STUM: variants seen among roughly 807,000 people sequenced by gnomAD.
STUM encodes protein stum homolog.
In STUM, 8 loss-of-function variants were observed where a neutral mutation model predicts 15.3. That is an observed-to-expected ratio of 0.52 (90% CI 0.31 to 0.94). The LOEUF (loss-of-function observed/expected upper bound fraction) is 0.94, where lower values mean the gene tolerates loss of function less well. STUM is among the 40% of genes least tolerant of loss of function. The pLI is 0.05. For missense variants in STUM, 142 were observed against 204.9 expected (o/e 0.69, Z 1.87); for synonymous variants, 78 against 88.7 (o/e 0.88, Z 0.68).
chr1:226,562,352 T>G (rs1015065978), intron 1 of STUM, among the ~76,000 whole-genome samples: 3 of 151,508 alleles, frequency 2.0e-5, no homozygotes, highest in African/African-American at 4.9e-5. Flanking sequence ...GCCTGTAGTC[T>G]CAGTTACTCG....
In STUM at chr1:226,548,939, C is replaced by CGGCGGCGGCGGCGGT; in HGVS notation, c.47_61dup (p.Ala16_Ala20dup). On this transcript the variant is annotated inframe_insertion, in exon 1 of 4. Transcript: ENST00000366788. ...TCGCACAAAGACGCCGAGACGGCGGCGGCGGCGGCGGCGGTGGCGGCGGCG... is the reference window on the plus strand; with the variant it reads ...TCGCACAAAGACGCCGAGACGGCGGCGGCGGCGGCGGCGGTGGCGGCGGCGGCGGTGGCGGCGGCG... 1 of 1,449,540 alleles carries CGGCGGCGGCGGCGGT rather than the reference C, an allele frequency of 6.9e-7. No homozygotes were observed. The highest frequency in any genetic ancestry group is 9.0e-7 in the Non-Finnish European group (1 of 1,106,600). 89.8% of individuals were successfully genotyped at this position (1,449,540 alleles called of 1,614,324 possible). A position where few individuals can be genotyped will look rare whatever the true frequency, so the allele number is the denominator to read the frequency against.
chr1:226,583,254 A>G (rs574885469), intron 1 of STUM, among the ~76,000 whole-genome samples: 2 of 152,324 alleles, frequency 1.3e-5, no homozygotes, highest in South Asian at 4.1e-4. Flanking sequence ...TGCAAAGGCT[A>G]TGGATACAGG....
chr1:226,600,457 GGCT>G lies in STUM; in HGVS notation c.383-207_383-205del, dbSNP rs1668246572. The G allele has an allele frequency of 1.6e-6, 1 of 610,588 alleles. No individual in the cohort carries two copies. The highest frequency in any genetic ancestry group is 2.8e-5 in the East Asian group (1 of 35,346). 37.8% of individuals were successfully genotyped at this position (610,588 alleles called of 1,614,324 possible). ...TGGTGGGCAGACCACTGGCCACTGT[GGCT>G]GTCACCATGAGTACTGAGCACTCCC... On this transcript the variant is annotated intron_variant, in intron 2 of 3. Coordinates refer to ENST00000366788, the MANE Select transcript of STUM (RefSeq NM_001003665.4). The surrounding 1 kb of genome is among the most constrained non-coding windows in gnomAD (Gnocchi z 5.2).
intron 1 of STUM, among the ~76,000 whole-genome samples, chr1:226,562,617 G>C (rs1001896015): frequency 2.6e-5 from 4 of 152,210 alleles, no homozygotes; most frequent in East Asian, 1.9e-4. Flanking sequence ...TTCTAGCCAG[G>C]GGTTCATAAA....
intron 1 of STUM, among the ~76,000 whole-genome samples, chr1:226,559,267 G>A (rs1667498774): frequency 6.6e-6 from 1 of 152,142 alleles, no homozygotes; most frequent in Admixed American, 6.5e-5. Context: ...AGAAGAGCCT[G>A]CCTTGAAACC....
At chr1:226,593,655 C>A (rs1305352144) in intron 1 of STUM, among the ~76,000 whole-genome samples, 1 of 152,170 alleles carries the variant, frequency 6.6e-6, no homozygotes, top group Non-Finnish European at 1.5e-5. Context: ...CACTCTGTGC[C>A]CCTAGCTGGC....
rs547398632 is a variant in STUM at position 226,600,246 on chromosome 1, A to G, written c.383-420A>G. On this transcript the variant is annotated intron_variant, in intron 2 of 3. Coordinates refer to ENST00000366788, the MANE Select transcript of STUM (RefSeq NM_001003665.4). The surrounding 1 kb of genome is among the most constrained non-coding windows in gnomAD (Gnocchi z 5.2). ...ACCAGGAGTTTGAGGCTGCAGTGAG[A>G]CATGATCACACCACTATACTCTAGC... Among the ~76,000 whole-genome samples, 1 of 152,306 alleles carries G rather than the reference A, an allele frequency of 6.6e-6. No individual in the cohort carries two copies. The highest frequency in any genetic ancestry group is 2.1e-4 in the South Asian group (1 of 4,828).
intron 2 of STUM, among the ~76,000 whole-genome samples, chr1:226,598,859 T>C (rs1027204368): frequency 5.3e-5 from 8 of 152,274 alleles, no homozygotes; most frequent in African/African-American, 1.9e-4. Context: ...TTGGGGGGTG[T>C]ATTAGTTCAT....
chr1:226,579,743 C>T (rs1172708157), intron 1 of STUM, among the ~76,000 whole-genome samples: 4 of 151,910 alleles, frequency 2.6e-5, no homozygotes, highest in Non-Finnish European at 5.9e-5. Flanking sequence ...ATCCTCCCAC[C>T]CATCCTCCCT....
rs1667633948 is a variant in STUM, at chr1:226,566,828, A to G, written c.202+17722A>G. Among the ~76,000 whole-genome samples the G allele has an allele frequency of 1.3e-5, 2 of 152,180 alleles. 1 individual carries two copies. The highest frequency in any genetic ancestry group is 1.3e-4 in the Admixed American group (2 of 15,268). The stretch of plus-strand genomic sequence containing the variant: ...TAGATTTTTATAAGTGGGTTTTGTT[A>G]ATTTGCTATTTTAAAAATACTTGTG... On this transcript the variant is annotated intron_variant, in intron 1 of 3. Coordinates refer to ENST00000366788, the MANE Select transcript of STUM (RefSeq NM_001003665.4).
intron 1 of STUM, among the ~76,000 whole-genome samples, chr1:226,553,603 C>G (rs1326927492): frequency 1.3e-5 from 2 of 152,142 alleles, no homozygotes; most frequent in African/African-American, 4.8e-5. Flanking sequence ...TCTGGAAAAA[C>G]AAAACATTTC....
At chr1:226,568,970 C>T (rs866618593) in intron 1 of STUM, among the ~76,000 whole-genome samples, 2 of 152,114 alleles carry the variant, frequency 1.3e-5, no homozygotes, top group Non-Finnish European at 2.9e-5. Flanking sequence ...GGGGACCTTG[C>T]TGTGCCCACA....
At chr1:226,566,911 T>A (rs556085918) in intron 1 of STUM, among the ~76,000 whole-genome samples, 2 of 152,282 alleles carry the variant, frequency 1.3e-5, no homozygotes, top group East Asian at 3.9e-4. Flanking sequence ...TTGTGGGGAT[T>A]TTTGCACATT....
rs562057424 is a variant in STUM at position 226,565,674 on chromosome 1, C to T, written c.202+16568C>T. 1.9e-4 allele frequency among the ~76,000 whole-genome samples: 29 copies of T among 152,260 alleles called. No homozygotes were observed. The South Asian group carries it at 3.5e-3, about 18-fold the overall frequency. ...CTTGAGAAGGTGCTAGGCGTGACTC[C>T]CTGCCCGGCTCCTGCCTGGGTAGTT... On this transcript the variant is annotated intron_variant, in intron 1 of 3. Transcript: ENST00000366788. This position sits in a 1 kb window ranked among gnomAD's most constrained non-coding sequence, Gnocchi z 4.4.
rs1668295945 is a variant in STUM at position 226,602,958 on chromosome 1, G to C, written c.*918G>C. On this transcript the variant is annotated 3_prime_UTR_variant, in exon 4 of 4. Coordinates refer to ENST00000366788, the MANE Select transcript of STUM (RefSeq NM_001003665.4). ...TCGTACACTTTCTAACTTCCCGGCA[G>C]AGTGTGGAACATCTCGCCTACCATC... The C allele has an allele frequency of 6.6e-6, 1 of 152,232 alleles. No individual in the cohort carries two copies. Among genetic ancestry groups the C allele is most frequent in the Non-Finnish European group, 1.5e-5 (1 of 68,044 alleles). The allele number at this position is 152,232 out of a possible 1,614,324, so 9.4% of individuals were successfully genotyped here.
chr1:226,586,428 G>A (rs913490554), intron 1 of STUM, among the ~76,000 whole-genome samples: 7 of 152,152 alleles, frequency 4.6e-5, no homozygotes, highest in Non-Finnish European at 1.0e-4. Flanking sequence ...TGGTGGGCAC[G>A]ACATCCATGT....
intron 1 of STUM, among the ~76,000 whole-genome samples, chr1:226,551,851 C>G (rs1667380850): frequency 6.6e-6 from 1 of 152,112 alleles, no homozygotes; most frequent in African/African-American, 2.4e-5. Context: ...AGGAAGGGGG[C>G]TCAGAGAAAG....
intron 1 of STUM, among the ~76,000 whole-genome samples, chr1:226,572,033 C>T (rs1180216803): frequency 6.6e-6 from 1 of 152,188 alleles, no homozygotes; most frequent in Non-Finnish European, 1.5e-5. Context: ...GTCAGAGCTG[C>T]TACACTGGCA....
intron 1 of STUM, among the ~76,000 whole-genome samples, chr1:226,561,388 G>A (rs1667540950): frequency 6.6e-6 from 1 of 152,146 alleles, no homozygotes; most frequent in African/African-American, 2.4e-5. Flanking sequence ...AGGCTTTCCT[G>A]TCACTTCTTG....
Sources: allele counts gnomAD v4.1 joint callset (sites outside exome capture counted in the v4.1 genomes callset), GRCh38; gene constraint gnomAD v4.1.1; non-coding constraint Gnocchi (gnomAD v3.1); transcripts MANE v1.5; gene names NCBI Gene and HGNC (gene_info 2026-07-23, HGNC 2026-07-21).